Variants in PKHD1 observed in about 807,000 individuals in gnomAD.
The protein encoded by PKHD1 is PKHD1 ciliary IPT domain containing fibrocystin/polyductin.
In PKHD1, 291 loss-of-function variants were observed where a neutral mutation model predicts 412.0. That is an observed-to-expected ratio of 0.71 (90% CI 0.64 to 0.78). The LOEUF (loss-of-function observed/expected upper bound fraction) is 0.78, where lower values mean the gene tolerates loss of function less well. PKHD1 is among the 30% of genes least tolerant of loss of function. The pLI is 0.00. For missense variants in PKHD1, 4,825 were observed against 4,950.7 expected, an observed-to-expected ratio of 0.97 and a Z score of 0.76; for synonymous variants, 1,777 against 1,821.5, an observed-to-expected ratio of 0.98 and a Z score of 0.62.
intron 40 of PKHD1, among the ~76,000 whole-genome samples, chr6:51,907,162 T>G: frequency 6.6e-6 from 1 of 152,280 alleles, no homozygotes; most frequent in South Asian, 2.1e-4. Context: ...ATTATTTGAA[T>G]AATTAAACTA....
chr6:51,621,998 T>A (rs563620050), intron 66 of PKHD1: 1 of 152,336 alleles, frequency 6.6e-6, no homozygotes, highest in Non-Finnish European at 1.5e-5. Flanking sequence ...CCCATTAAAA[T>A]GAAAAGATGG....
chr6:52,087,100 G>A (rs1224853820), intron 1 of PKHD1, among the ~76,000 whole-genome samples: 1 of 152,136 alleles, frequency 6.6e-6, no homozygotes, highest in African/African-American at 2.4e-5. Context: ...AATTATAAAT[G>A]TAATTTTTTA....
chr6:51,620,484 T>TG (rs1166701559), intron 66 of PKHD1, among the ~76,000 whole-genome samples: 1 of 152,076 alleles, frequency 6.6e-6, no homozygotes, highest in Non-Finnish European at 1.5e-5. Context: ...TCCTAAACCC[T>TG]GGGGGGTAGA....
rs186369667 is a variant in PKHD1 at position 51,859,375 on chromosome 6, A to C, written c.7734-3305T>G. ...CCCCGTCTGTACTAAAAATACAAAA[A>C]ATTAGCTGGGCGTGGCAGCATGCGC... On this transcript the variant is annotated intron_variant, in intron 48 of 66. Transcript: ENST00000371117. 2.0e-5 allele frequency among the ~76,000 whole-genome samples: 3 copies of C among 152,040 alleles called. No homozygotes were observed. In the East Asian group the frequency reaches 5.8e-4, roughly 29 times the overall value.
At chr6:51,791,934 G>A (rs1582715643) in intron 52 of PKHD1, among the ~76,000 whole-genome samples, 1 of 152,300 alleles carries the variant, frequency 6.6e-6, no homozygotes, top group East Asian at 1.9e-4. Flanking sequence ...TAGATTGAAA[G>A]TGGTTATACA....
chr6:51,816,366 T>C (rs888065161), intron 52 of PKHD1, among the ~76,000 whole-genome samples: 17 of 152,218 alleles, frequency 1.1e-4, no homozygotes, highest in African/African-American at 3.1e-4. Flanking sequence ...CAATTGCATG[T>C]AGATGTCTGT....
rs184286131 is a variant in PKHD1, at chr6:51,615,803, T to C, written c.*3278A>G. 6.6e-6 allele frequency: 1 copy of C among 152,206 alleles called. No homozygotes were observed. The highest frequency in any genetic ancestry group is 2.4e-5 in the African/African-American group (1 of 41,442). The allele number at this position is 152,206 out of a possible 1,614,324, so 9.4% of individuals were successfully genotyped here. A position where few individuals can be genotyped will look rare whatever the true frequency, so the allele number is the denominator to read the frequency against. ...CCTGAGAGAGCTCAACTGTTCTTGG[T>C]CCTTGGTGGCCTCACTGGGCAGTAA... On this transcript the variant is annotated 3_prime_UTR_variant, in exon 67 of 67. Coordinates refer to ENST00000371117, the MANE Select transcript of PKHD1 (RefSeq NM_138694.4).
intron 37 of PKHD1, among the ~76,000 whole-genome samples, chr6:51,917,310 T>C (rs9349608): frequency 0.36 from 54,853 of 151,892 alleles, 10,961 homozygotes; most frequent in East Asian, 0.75. Flanking sequence ...CTCAAATATA[T>C]ACAAATTATT....
chr6:51,619,008 A>G lies in PKHD1; in HGVS notation c.*73T>C. 1.4e-6 allele frequency: 2 copies of G among 1,386,770 alleles called. No homozygotes were observed. Among genetic ancestry groups the G allele is most frequent in the East Asian group, 4.6e-5 (2 of 43,810 alleles). 85.9% of individuals were successfully genotyped at this position (1,386,770 alleles called of 1,614,324 possible). On this transcript the variant is annotated 3_prime_UTR_variant, in exon 67 of 67. Transcript: ENST00000371117. ...TAGTTGTCCCAGCAGGACAGTCCTCACTTCCCCAGCTTATTATCCAGAAAT... is the reference window on the plus strand; with the variant it reads ...TAGTTGTCCCAGCAGGACAGTCCTCGCTTCCCCAGCTTATTATCCAGAAAT...
chr6:51,870,572 G>A lies in PKHD1; in HGVS notation c.7418C>T (p.Thr2473Ile), dbSNP rs752429898. ...KRWELMVSNT[T>I]FVNFDLINCV... ...GTTGATGAGATCAAAATTAACAAAGGTTGTGTTAGACACCATCAGTTCCCA... is the reference window on the plus strand; with the variant it reads ...GTTGATGAGATCAAAATTAACAAAGATTGTGTTAGACACCATCAGTTCCCA... The change falls in exon 47 of 67, where the codon ACC becomes ATC. Residue 2473 changes from threonine (T) to isoleucine (I), a missense_variant. Thr to Ile is a moderately conservative substitution (Grantham distance 89, BLOSUM62 -1). Coordinates refer to ENST00000371117, the MANE Select transcript of PKHD1 (RefSeq NM_138694.4). The A allele has an allele frequency of 3.1e-6, 5 of 1,608,514 alleles. No homozygotes were observed. In the Admixed American group the frequency reaches 8.3e-5, roughly 27 times the overall value.
chr6:52,034,233 G>A (rs1160377471), intron 28 of PKHD1, among the ~76,000 whole-genome samples: 1 of 149,318 alleles, frequency 6.7e-6, no homozygotes, highest in Non-Finnish European at 1.5e-5. Flanking sequence ...GGTTCTGCCA[G>A]CATCATCTAA....
intron 60 of PKHD1, among the ~76,000 whole-genome samples, chr6:51,676,341 A>C (rs1052179208): frequency 6.6e-6 from 1 of 152,028 alleles, no homozygotes; most frequent in African/African-American, 2.4e-5. Flanking sequence ...AAATGCACAT[A>C]GAATCCTTCC....
intron 35 of PKHD1, among the ~76,000 whole-genome samples, chr6:52,001,876 T>C (rs532306916): frequency 6.6e-6 from 1 of 152,328 alleles, no homozygotes; most frequent in East Asian, 1.9e-4. Context: ...TGTGACACTT[T>C]AACTTGGCAT....
chr6:52,049,660 C>G (rs1407384600), intron 22 of PKHD1, among the ~76,000 whole-genome samples: 1 of 152,132 alleles, frequency 6.6e-6, no homozygotes, highest in Non-Finnish European at 1.5e-5. Flanking sequence ...TATTATGAAG[C>G]AATGCTTATG....
In PKHD1 at chr6:52,053,185, A is replaced by AG; in HGVS notation, c.2030dup (p.Pro678SerfsTer27). 1.2e-6 allele frequency: 2 copies of AG among 1,614,172 alleles called. No individual in the cohort carries two copies. The highest frequency in any genetic ancestry group is 1.7e-6 in the Non-Finnish European group (2 of 1,180,006). On this transcript the variant is annotated frameshift_variant, in exon 21 of 67. Transcript: ENST00000371117. LOFTEE classifies it high-confidence loss of function. The stretch of plus-strand genomic sequence containing the variant: ...GAACCAGCACTGGGGAGTTTGCCGG[A>AG]GGGGGCTGGAGATCCCCGAAGCAAC...
At chr6:51,758,644 G>A (rs974574464) in intron 55 of PKHD1, among the ~76,000 whole-genome samples, 3 of 151,850 alleles carry the variant, frequency 2.0e-5, no homozygotes, top group East Asian at 3.9e-4. Context: ...CAACATAATT[G>A]TACCTAAATG....
chr6:51,985,349 A>G (rs1484389169), intron 35 of PKHD1, among the ~76,000 whole-genome samples: 1 of 152,236 alleles, frequency 6.6e-6, no homozygotes, highest in African/African-American at 2.4e-5. Flanking sequence ...AAAATCCAAT[A>G]GTGAATAAAC....
intron 60 of PKHD1, among the ~76,000 whole-genome samples, chr6:51,687,687 T>G (rs780573248): frequency 3.3e-5 from 5 of 152,200 alleles, no homozygotes; most frequent in Non-Finnish European, 7.3e-5. Flanking sequence ...AAAGACAAAG[T>G]GAATTAATTA....
At chr6:51,900,705 A>G (rs372178927) in intron 43 of PKHD1, among the ~76,000 whole-genome samples, 1 of 151,522 alleles carries the variant, frequency 6.6e-6, no homozygotes, top group African/African-American at 2.4e-5. Flanking sequence ...TCTGCACAGC[A>G]AAAGAAACTA....
Sources: allele counts gnomAD v4.1 joint callset (sites outside exome capture counted in the v4.1 genomes callset), GRCh38; gene constraint gnomAD v4.1.1; transcripts MANE v1.5; gene names NCBI Gene and HGNC (gene_info 2026-07-23, HGNC 2026-07-21).